The following SERPINB11 variants were observed in gnomAD, a reference collection of about 807,000 sequenced individuals.
SERPINB11 encodes serpin family B member 11, also known as serpin B11.
SERPINB11 carries 32 observed loss-of-function variants against 36.7 expected under a neutral mutation model. The observed-to-expected ratio is 0.87, with a 90% CI of 0.66 to 1.17. The LOEUF is 1.17. SERPINB11 is among the 50% of genes most tolerant of loss of function. SERPINB11 has a pLI of 0.00. For synonymous variants in SERPINB11, 174 were observed against 168.1 expected (o/e 1.04, Z -0.27); for missense variants, 528 against 458.4 (o/e 1.15, Z -1.39).
chr18:63,722,928 C>G, intron 7 of SERPINB11, 67 bp from the exon 8 acceptor site: 1 of 1,415,850 alleles, frequency 7.1e-7, no homozygotes, highest in Non-Finnish European at 9.4e-7. Context: ...ATTATAAAAA[C>G]ATATGATATT....
intron 5 of SERPINB11, among the ~76,000 whole-genome samples, chr18:63,718,678 A>G (rs1170735626): frequency 3.3e-5 from 5 of 152,052 alleles, no homozygotes; most frequent in African/African-American, 1.2e-4. Context: ...CTTTTAGCAT[A>G]AGGACAATGC....
intron 1 of SERPINB11, among the ~76,000 whole-genome samples, chr18:63,704,865 T>G (rs1914330757): frequency 6.6e-6 from 1 of 152,176 alleles, no homozygotes; most frequent in South Asian, 2.1e-4. Context: ...GGAGTAGGTG[T>G]GCTGATATTC....
chr18:63,709,036 A>C (rs1914444955), intron 1 of SERPINB11, among the ~76,000 whole-genome samples: 1 of 152,222 alleles, frequency 6.6e-6, no homozygotes, highest in African/African-American at 2.4e-5. Flanking sequence ...GATTGTTTTT[A>C]TATCCATAGC....
rs1252646586 is a variant in SERPINB11, at chr18:63,723,707, G to C, written c.*308G>C. The C allele has an allele frequency of 1.2e-5, 3 of 253,228 alleles. No homozygotes were observed. Among genetic ancestry groups the C allele is most frequent in the Non-Finnish European group, 2.2e-5 (3 of 134,550 alleles). The allele number at this position is 253,228 out of a possible 1,614,324, so 15.7% of individuals were successfully genotyped here. A position where few individuals can be genotyped will look rare whatever the true frequency, so the allele number is the denominator to read the frequency against. ...AAATTTTAAGGGATTAGATTTTCTT[G>C]ACTTGTATGTATCTGTGAGATCTTG... On this transcript the variant is annotated 3_prime_UTR_variant, in exon 8 of 8. Transcript: ENST00000544088.
intron 5 of SERPINB11, 141 bp from the exon 6 acceptor site, chr18:63,719,872 A>G: frequency 1.7e-6 from 1 of 582,962 alleles, no homozygotes; most frequent in Non-Finnish European, 2.9e-6. Flanking sequence ...CTCCATGGCC[A>G]GGAGATGAAA....
At chr18:63,703,840 C>T (rs1378813136) in intron 1 of SERPINB11, among the ~76,000 whole-genome samples, 19 of 152,220 alleles carry the variant, frequency 1.2e-4, no homozygotes, top group Admixed American at 1.1e-3. Flanking sequence ...CCCTTCCACA[C>T]GTATCCCAAA....
Position 63,723,384 on chromosome 18 carries a change from G to A in SERPINB11, c.1164G>A (p.Lys388=), listed in dbSNP as rs1344737542. 3 of 1,605,820 alleles carry A rather than the reference G, an allele frequency of 1.9e-6. No individual in the cohort carries two copies. The African/African-American group carries it at 4.0e-5, about 21-fold the overall frequency. The change falls in exon 8 of 8, where the codon AAG becomes AAA. Residue 388 remains lysine, a synonymous_variant. Coordinates refer to ENST00000544088, the MANE Select transcript of SERPINB11 (RefSeq NM_001370475.1). ...THTNTILFCG[K]LASP ...CCAACACGATCCTATTCTGTGGCAA[G>A]CTTGCCTCTCCCTAATCAGATGGGG...
Position 63,709,503 on chromosome 18 carries a change from C to T in SERPINB11, c.-15-676C>T, listed in dbSNP as rs563063175. ...GCAGGCGCCTGTAGTCCCAGCTACT[C>T]GGGAGGCTGAGGCAGGAGAATGGCA... is the stretch of plus-strand genomic sequence containing the variant. On this transcript the variant is annotated intron_variant, in intron 1 of 7. Transcript: ENST00000544088. Among the ~76,000 whole-genome samples the T allele has an allele frequency of 4.6e-5, 7 of 151,904 alleles. No homozygotes were observed. The South Asian group carries it at 1.5e-3, about 32-fold the overall frequency.
rs369426935 is a variant in SERPINB11 at position 63,712,669 on chromosome 18, G to C, written c.333G>C (p.Gly111=). The C allele has an allele frequency of 1.0e-3, 1,664 of 1,613,586 alleles. 1 individual carries two copies. The highest frequency in any genetic ancestry group is 1.4e-3 in the Non-Finnish European group (1,600 of 1,179,694). ...TCAGCATTGCCAACAGGCTCTACGGGACAAAGACGATGGCATTTCATCAGG... is the reference window on the plus strand; with the variant it reads ...TCAGCATTGCCAACAGGCTCTACGGCACAAAGACGATGGCATTTCATCAGG... ...CTLSIANRLY[G]TKTMAFHQQY... The change falls in exon 4 of 8, where the codon GGG becomes GGC. Residue 111 remains glycine (G), a synonymous_variant. Coordinates refer to ENST00000544088, the MANE Select transcript of SERPINB11 (RefSeq NM_001370475.1).
At position 63,723,507 on chromosome 18, in the gene SERPINB11, A is replaced by T. The variant is rs752369884; in HGVS notation, c.*108A>T. The stretch of plus-strand genomic sequence containing the variant: ...CACACCTCACACACCTCTGTGCCTC[A>T]GTTTGCTCATCTGCAAAATAGGTCT... On this transcript the variant is annotated 3_prime_UTR_variant, in exon 8 of 8. Transcript: ENST00000544088. 36 of 1,036,476 alleles carry T rather than the reference A, an allele frequency of 3.5e-5. No individual in the cohort carries two copies. The Middle Eastern group carries it at 1.4e-3, about 40-fold the overall frequency. 64.2% of individuals were successfully genotyped at this position (1,036,476 alleles called of 1,614,324 possible).
At chr18:63,714,485 C>T (rs8094891) in intron 4 of SERPINB11, among the ~76,000 whole-genome samples, 56,143 of 151,478 alleles carry the variant, frequency 0.37, 11,188 homozygotes, top group East Asian at 0.61. Flanking sequence ...TACGGGAGAC[C>T]GGGGCTTATT....
intron 1 of SERPINB11, among the ~76,000 whole-genome samples, chr18:63,704,154 T>C (rs1339814235): frequency 2.0e-5 from 3 of 152,180 alleles, no homozygotes; most frequent in Non-Finnish European, 4.4e-5. Flanking sequence ...AGAATATTGG[T>C]TTCCCTAACA....
At chr18:63,713,294 C>T (rs1914576493) in intron 4 of SERPINB11, among the ~76,000 whole-genome samples, 2 of 152,186 alleles carry the variant, frequency 1.3e-5, no homozygotes, top group Non-Finnish European at 1.5e-5. Flanking sequence ...TCACACTGTG[C>T]TAAGATATTG....
chr18:63,718,470 A>T (rs978541448), intron 5 of SERPINB11, among the ~76,000 whole-genome samples: 4 of 151,826 alleles, frequency 2.6e-5, no homozygotes, highest in African/African-American at 9.7e-5. Flanking sequence ...AACATTTTGT[A>T]TTTTCCTATG....
At chr18:63,705,831 AC>A (rs1318851384) in intron 1 of SERPINB11, 1 of 152,210 alleles carries the variant, frequency 6.6e-6, no homozygotes, top group Non-Finnish European at 1.5e-5. Flanking sequence ...TACTTAATTC[AC>A]TAAAATGCAG....
intron 5 of SERPINB11, 63 bp from the exon 6 acceptor site, chr18:63,719,950 C>A (rs1306263989): frequency 2.2e-6 from 3 of 1,359,222 alleles, no homozygotes; most frequent in East Asian, 4.9e-5. Flanking sequence ...TTTCTCATGA[C>A]TCTTCACCTC....
In SERPINB11 at chr18:63,720,873, T is replaced by A. The variant is rs771671633; in HGVS notation, c.661T>A (p.Phe221Ile). 6.4e-7 allele frequency: 1 copy of A among 1,573,526 alleles called. No homozygotes were observed. Among genetic ancestry groups the A allele is most frequent in the South Asian group, 1.2e-5 (1 of 86,142 alleles). ...TVEMMYQIGT[F>I]KLAFVKEPQM... is the part of the protein sequence containing the mutation. ...GGAAATGATGTATCAAATTGGAACA[T>A]TTAAACTGGCCTTTGTAAAGGAGCC... The change falls in exon 7 of 8, where the codon TTT becomes ATT. Residue 221 changes from phenylalanine (F) to isoleucine (I), a missense_variant. Physicochemically the swap from Phe to Ile is conservative, Grantham distance 21 (BLOSUM62 0). Transcript: ENST00000544088.
At chr18:63,720,329 T>C (rs1367586657) in intron 6 of SERPINB11, 174 bp downstream of exon 6, 1 of 615,044 alleles carries the variant, frequency 1.6e-6, no homozygotes, top group African/African-American at 1.9e-5. Flanking sequence ...ACAATAACTT[T>C]TATCACAGAG....
At chr18:63,719,218 A>T (rs961162549) in intron 5 of SERPINB11, among the ~76,000 whole-genome samples, 3 of 152,090 alleles carry the variant, frequency 2.0e-5, no homozygotes, top group African/African-American at 7.2e-5. Context: ...GTAGAATATT[A>T]ATGTTATTTC....
Sources: allele counts gnomAD v4.1 joint callset (sites outside exome capture counted in the v4.1 genomes callset), GRCh38; gene constraint gnomAD v4.1.1; transcripts MANE v1.5; gene names NCBI Gene and HGNC (gene_info 2026-07-23, HGNC 2026-07-21).